The following RALGPS1 variants were observed in gnomAD, a reference collection of about 807,000 sequenced individuals.
RALGPS1 encodes the protein Ral GEF with PH domain and SH3 binding motif 1, also known as ras-specific guanine nucleotide-releasing factor RalGPS1.
RALGPS1 carries 19 observed loss-of-function variants against 78.8 expected under a neutral mutation model. That is an observed-to-expected ratio of 0.24 (90% CI 0.17 to 0.35). The LOEUF (loss-of-function observed/expected upper bound fraction) is 0.35. Ranked by LOEUF, RALGPS1 falls within the 10% of genes least tolerant of loss-of-function variation. The probability of loss-of-function intolerance (pLI) is 1.00; values close to 1 mark genes in which losing one functional copy is unlikely to be tolerated. For missense variants in RALGPS1, 454 were observed against 688.3 expected, an observed-to-expected ratio of 0.66 and a Z score of 3.81; for synonymous variants, 228 against 256.3, an observed-to-expected ratio of 0.89 and a Z score of 1.06.
Position 126,968,189 on chromosome 9 carries a change from G to A in RALGPS1, c.165+2238G>A, listed in dbSNP as rs142166052. 5.6e-3 allele frequency among the ~76,000 whole-genome samples: 855 copies of A among 152,136 alleles called. 28 individuals are homozygous for A. In the East Asian group the frequency reaches 0.082, roughly 15 times the overall value. On this transcript the variant is annotated intron_variant, in intron 3 of 18. Transcript: ENST00000259351. ...AGCTAATTTTTGCATTTTTAGTAGA[G>A]ACAGGGTTTCACCATGTTGGCCAGG...
chr9:127,192,836 G>A (rs545610889), intron 11 of RALGPS1, among the ~76,000 whole-genome samples: 1 of 152,320 alleles, frequency 6.6e-6, no homozygotes, highest in South Asian at 2.1e-4. Context: ...GAGGCACAGG[G>A]AGAAGCAGGA....
At chr9:127,108,240 G>A (rs1468838587) in intron 8 of RALGPS1, 10 of 1,614,058 alleles carry the variant, frequency 6.2e-6, no homozygotes, top group Non-Finnish European at 7.6e-6. Context: ...CGGCTGTCTG[G>A]TTCAGGATCC....
At chr9:126,946,256 A>T (rs1451053008) in intron 1 of RALGPS1, among the ~76,000 whole-genome samples, 1 of 152,130 alleles carries the variant, frequency 6.6e-6, no homozygotes, top group Admixed American at 6.5e-5. Flanking sequence ...ATTAAGATTG[A>T]GGGTTTGGCC....
chr9:127,168,819 G>C, intron 10 of RALGPS1, 47 bp downstream of exon 10: 1 of 1,490,618 alleles, frequency 6.7e-7, no homozygotes, highest in South Asian at 1.1e-5. Flanking sequence ...CCCCACTTTT[G>C]TCCTTAGTGC....
chr9:126,990,228 C>G, intron 4 of RALGPS1: 1 of 540,428 alleles, frequency 1.9e-6, no homozygotes, highest in Non-Finnish European at 3.2e-6. Flanking sequence ...AGGTCACATG[C>G]TGGGCAGTTT....
At chr9:127,136,371 G>A (rs746681122) in intron 8 of RALGPS1, among the ~76,000 whole-genome samples, 7 of 152,224 alleles carry the variant, frequency 4.6e-5, no homozygotes, top group Non-Finnish European at 8.8e-5. Flanking sequence ...AAAGAAGAAA[G>A]CAGGAGCTGA....
chr9:127,105,877 G>A (rs1475321908), intron 8 of RALGPS1, among the ~76,000 whole-genome samples: 1 of 152,228 alleles, frequency 6.6e-6, no homozygotes, highest in Non-Finnish European at 1.5e-5. Flanking sequence ...CTAGCATGTA[G>A]TAGGGGCTCA....
At chr9:127,069,516 T>G in intron 8 of RALGPS1, 160 bp downstream of exon 8, 1 of 735,382 alleles carries the variant, frequency 1.4e-6, no homozygotes, top group Non-Finnish European at 2.2e-6. Context: ...TGTTGGTACT[T>G]CCCAAGGTTG....
chr9:126,942,172 C>T (rs1484902343), intron 1 of RALGPS1, among the ~76,000 whole-genome samples: 1 of 152,152 alleles, frequency 6.6e-6, no homozygotes, highest in Non-Finnish European at 1.5e-5. Context: ...CACCCTTTTC[C>T]CAGTTTATTG....
At chr9:127,067,473 C>G (rs1320188883) in intron 7 of RALGPS1, among the ~76,000 whole-genome samples, 1 of 152,180 alleles carries the variant, frequency 6.6e-6, no homozygotes, top group Non-Finnish European at 1.5e-5. Context: ...AGGGCCTGCC[C>G]AAAGCAGCCC....
intron 11 of RALGPS1, among the ~76,000 whole-genome samples, chr9:127,185,305 C>G (rs1309458446): frequency 6.6e-6 from 1 of 152,250 alleles, no homozygotes; most frequent in Non-Finnish European, 1.5e-5. Context: ...AGGCCTTGCT[C>G]TCTGTCAACC....
chr9:127,140,574 T>C (rs1564652595), intron 8 of RALGPS1, among the ~76,000 whole-genome samples: 1 of 152,218 alleles, frequency 6.6e-6, no homozygotes, highest in Non-Finnish European at 1.5e-5. Context: ...CAGCATGTGA[T>C]TAGCTTGTAC....
At chr9:127,093,935 A>C (rs1371903380) in intron 8 of RALGPS1, 1 of 1,613,002 alleles carries the variant, frequency 6.2e-7, no homozygotes, top group Non-Finnish European at 8.5e-7. Flanking sequence ...GCCTGGGGAC[A>C]CAGACATGCA....
chr9:127,087,927 T>C (rs1473919223), intron 8 of RALGPS1: 2 of 152,602 alleles, frequency 1.3e-5, no homozygotes, highest in Non-Finnish European at 2.9e-5. Context: ...AAAGTATGAA[T>C]GGAAGATACA....
At chr9:127,144,440 AC>A (rs1263548686) in intron 8 of RALGPS1, among the ~76,000 whole-genome samples, 1 of 152,206 alleles carries the variant, frequency 6.6e-6, no homozygotes, top group Non-Finnish European at 1.5e-5. Context: ...CATCAAACTT[AC>A]GATTTCACTC....
intron 1 of RALGPS1, among the ~76,000 whole-genome samples, chr9:126,943,615 G>T (rs943777171): frequency 2.0e-5 from 3 of 152,154 alleles, no homozygotes; most frequent in Admixed American, 6.5e-5. Context: ...AGTGCTCTCC[G>T]TGGAATGTGG....
intron 7 of RALGPS1, among the ~76,000 whole-genome samples, chr9:127,056,179 G>A (rs1036746328): frequency 6.6e-6 from 1 of 152,216 alleles, no homozygotes; most frequent in Admixed American, 6.5e-5. Flanking sequence ...AAGATTACAT[G>A]TCACCTTGCT....
chr9:126,958,243 TCAC>T (rs2038559525), intron 1 of RALGPS1, among the ~76,000 whole-genome samples: 1 of 150,948 alleles, frequency 6.6e-6, no homozygotes. Context: ...TAAGTTCAGA[TCAC>T]CATCATGAAA....
chr9:127,011,690 G>A (rs1403139057), intron 4 of RALGPS1, among the ~76,000 whole-genome samples: 1 of 152,150 alleles, frequency 6.6e-6, no homozygotes. Flanking sequence ...CTCACCCTAA[G>A]AAATTTAAAA....
Sources: gnomAD v4.1 joint callset for allele counts (sites outside exome capture counted in the v4.1 genomes callset) on GRCh38, gnomAD v4.1.1 for gene constraint, MANE v1.5 for transcripts, NCBI Gene and HGNC (gene_info 2026-07-23, HGNC 2026-07-21) for gene names.